PTPN3: variants seen among roughly 807,000 people sequenced by gnomAD.
PTPN3 encodes the protein protein tyrosine phosphatase non-receptor type 3.
PTPN3 carries 96 observed loss-of-function variants against 132.7 expected under a neutral mutation model. The observed-to-expected ratio is 0.72, with a 90% CI of 0.61 to 0.86. PTPN3 has a LOEUF of 0.86. Among genes scored for constraint, PTPN3 ranks in the 40% least tolerant of loss-of-function variants. The probability of loss-of-function intolerance (pLI) is 0.00; values close to 1 mark genes in which losing one functional copy is unlikely to be tolerated. For synonymous variants in PTPN3, 398 were observed against 429.0 expected (o/e 0.93, Z 0.89); for missense variants, 1,125 against 1,159.6 (o/e 0.97, Z 0.43).
chr9:109,384,929 A>G (rs1839444053), intron 22 of PTPN3, among the ~76,000 whole-genome samples: 1 of 152,198 alleles, frequency 6.6e-6, no homozygotes. Context: ...TTGCTTAGAC[A>G]TGACAGGTTA....
the PTPN3 span, among the ~76,000 whole-genome samples, chr9:109,518,686 G>T: frequency 1.3e-5 from 2 of 152,112 alleles, no homozygotes; most frequent in African/African-American, 4.8e-5. Context: ...GGGCCCTGAG[G>T]TTACAACTGA....
the PTPN3 span, among the ~76,000 whole-genome samples, chr9:109,514,332 A>G: frequency 6.6e-6 from 1 of 152,266 alleles, no homozygotes; most frequent in Admixed American, 6.5e-5. Context: ...GGCTCTCCCC[A>G]TGGCCTACAT....
intron 1 of PTPN3, among the ~76,000 whole-genome samples, chr9:109,477,104 C>A (rs1304931683): frequency 6.6e-6 from 1 of 152,204 alleles, no homozygotes; most frequent in Non-Finnish European, 1.5e-5. Context: ...GGGGGCATCA[C>A]ACACCACCCA....
At chr9:109,453,929 C>G (rs189603258) in intron 5 of PTPN3, among the ~76,000 whole-genome samples, 4 of 151,720 alleles carry the variant, frequency 2.6e-5, no homozygotes, top group Non-Finnish European at 2.9e-5. Context: ...GTGGGAGGAT[C>G]GCTTGAACCT....
chr9:109,427,104 T>C lies in PTPN3; in HGVS notation c.847A>G (p.Ile283Val), dbSNP rs765711319. 1 of 1,614,124 alleles carries C rather than the reference T, an allele frequency of 6.2e-7. No individual in the cohort carries two copies. The highest frequency in any genetic ancestry group is 8.5e-7 in the Non-Finnish European group (1 of 1,179,986). ...RQKQAESREH[I>V]VAFNMLNYRS... ...TAATTCAGCATGTTGAAGGCCACAATATGTTCCCTGGATTCAGCCTGGGAG... is the reference window on the plus strand; with the variant it reads ...TAATTCAGCATGTTGAAGGCCACAACATGTTCCCTGGATTCAGCCTGGGAG... The change falls in exon 12 of 26, where the codon ATT becomes GTT. Residue 283 changes from isoleucine to valine, a missense_variant. Coordinates refer to ENST00000374541, the MANE Select transcript of PTPN3 (RefSeq NM_002829.4).
chr9:109,382,646 C>T (rs1839208126), intron 23 of PTPN3, among the ~76,000 whole-genome samples, 199 bp from the exon 24 acceptor site: 1 of 152,124 alleles, frequency 6.6e-6, no homozygotes, highest in South Asian at 2.1e-4. Flanking sequence ...GCCTGTCCTG[C>T]AGGGCTGCCT....
the PTPN3 span, chr9:109,534,145 G>A: frequency 1.2e-6 from 1 of 819,882 alleles, no homozygotes; most frequent in South Asian, 1.3e-5. Context: ...CCATTTTACT[G>A]TTCCCAAAAC....
At chr9:109,507,307 G>C in the PTPN3 span, among the ~76,000 whole-genome samples, 42,858 of 152,118 alleles carry the variant, frequency 0.28, 6,257 homozygotes, top group South Asian at 0.31. Flanking sequence ...ATTCCAACTG[G>C]TCAGCCCTCT....
At chr9:109,413,813 A>G (rs1351307855) in intron 14 of PTPN3, among the ~76,000 whole-genome samples, 2 of 152,134 alleles carry the variant, frequency 1.3e-5, no homozygotes, top group Non-Finnish European at 2.9e-5. Flanking sequence ...CCCTCCAGAA[A>G]ACACATGCTT....
At chr9:109,494,401 G>A (rs1319659434) in intron 1 of PTPN3, among the ~76,000 whole-genome samples, 5 of 152,178 alleles carry the variant, frequency 3.3e-5, no homozygotes, top group Non-Finnish European at 5.9e-5. Flanking sequence ...TCGGGCCACT[G>A]CACTCCAGCC....
At chr9:109,517,548 A>G in the PTPN3 span, among the ~76,000 whole-genome samples, 1,144 of 152,358 alleles carry the variant, frequency 7.5e-3, 10 homozygotes, top group African/African-American at 0.026. Context: ...GAAATGTCCT[A>G]CAACTATGGA....
intron 14 of PTPN3, among the ~76,000 whole-genome samples, chr9:109,416,715 G>A (rs1315951455): frequency 6.6e-6 from 1 of 152,002 alleles, no homozygotes; most frequent in African/African-American, 2.4e-5. Context: ...CCAAAGTACT[G>A]GGATTATAGG....
intron 12 of PTPN3, among the ~76,000 whole-genome samples, chr9:109,423,564 C>T (rs1412545636): frequency 2.0e-5 from 3 of 152,200 alleles, no homozygotes; most frequent in Non-Finnish European, 4.4e-5. Context: ...CAAGATCGCA[C>T]CACTGCACTC....
rs2304742 is a variant in PTPN3 at position 109,383,519 on chromosome 9, G to C, written c.2286C>G (p.Pro762=). 17 of 1,613,812 alleles carry C rather than the reference G, an allele frequency of 1.1e-5. No homozygotes were observed. The highest frequency in any genetic ancestry group is 1.2e-5 in the Non-Finnish European group (14 of 1,179,960). ...TKCHQYWPDP[P]DVMNHGGFHI... Reference sequence around the variant, plus strand: ...GAAAGCCGCCGTGGTTCATGACGTCGGGGGGATCTGGCCAGTACTGGTGAC... The same window carrying C: ...GAAAGCCGCCGTGGTTCATGACGTCCGGGGGATCTGGCCAGTACTGGTGAC... The change falls in exon 23 of 26, where the codon CCC becomes CCG. Residue 762 remains proline, a synonymous_variant. Coordinates refer to ENST00000374541, the MANE Select transcript of PTPN3 (RefSeq NM_002829.4).
Position 109,427,167 on chromosome 9 carries a change from G to A in PTPN3, c.829-45C>T, listed in dbSNP as rs182480560. 7.0e-5 allele frequency: 111 copies of A among 1,590,420 alleles called. 1 individual carries two copies. The South Asian group carries it at 7.7e-4, about 11-fold the overall frequency. On this transcript the variant is annotated intron_variant, in intron 11 of 25. Transcript: ENST00000374541. Reference sequence around the variant, plus strand: ...AGATTTCACCCACACAGACATAGGAGCAGGGACTTGTAAGCATTTAACCCA... The same window carrying A: ...AGATTTCACCCACACAGACATAGGAACAGGGACTTGTAAGCATTTAACCCA...
chr9:109,402,973 G>A (rs1479609316), intron 19 of PTPN3, among the ~76,000 whole-genome samples: 1 of 152,200 alleles, frequency 6.6e-6, no homozygotes. Context: ...AGCTACTCAG[G>A]AGGCTGAGGT....
the PTPN3 span, among the ~76,000 whole-genome samples, chr9:109,526,531 C>T: frequency 6.6e-6 from 1 of 151,836 alleles, no homozygotes; most frequent in African/African-American, 2.4e-5. Flanking sequence ...AAAAATTAGC[C>T]GACCATAGTG....
chr9:109,451,915 T>A (rs1209495354), intron 5 of PTPN3, among the ~76,000 whole-genome samples: 1 of 152,056 alleles, frequency 6.6e-6, no homozygotes, highest in African/African-American at 2.4e-5. Context: ...AGACTTGGGG[T>A]TGGAACCTCC....
intron 7 of PTPN3, among the ~76,000 whole-genome samples, chr9:109,444,887 C>A (rs1000874014): frequency 6.6e-6 from 1 of 152,166 alleles, no homozygotes; most frequent in African/African-American, 2.4e-5. Flanking sequence ...ATGACTGATA[C>A]AAATATTTGT....
Sources: gnomAD v4.1 joint callset for allele counts (sites outside exome capture counted in the v4.1 genomes callset) on GRCh38, gnomAD v4.1.1 for gene constraint, MANE v1.5 for transcripts, NCBI Gene and HGNC (gene_info 2026-07-23, HGNC 2026-07-21) for gene names.